PIK3C2G: variants seen among roughly 807,000 people sequenced by gnomAD.
PIK3C2G encodes phosphatidylinositol-4-phosphate 3-kinase catalytic subunit type 2 gamma.
In PIK3C2G, 168 loss-of-function variants were observed where a neutral mutation model predicts 181.1. The ratio of observed to expected loss-of-function variants is 0.93; its 90% CI spans 0.82 to 1.05. The LOEUF (loss-of-function observed/expected upper bound fraction) is 1.05. Ranked by LOEUF, PIK3C2G falls within the 50% of genes least tolerant of loss-of-function variation. The pLI, the probability that PIK3C2G is intolerant of heterozygous loss-of-function variation, is 0.00. For synonymous variants in PIK3C2G, 573 were observed against 592.2 expected, an observed-to-expected ratio of 0.97 and a Z score of 0.47; for missense variants, 1,869 against 1,732.8, an observed-to-expected ratio of 1.08 and a Z score of -1.40.
At chr12:18,559,795 TATATATATATATATATATATATATATAG>T (rs1351468533) in intron 26 of PIK3C2G, among the ~76,000 whole-genome samples, 21 of 47,234 alleles carry the variant, frequency 4.4e-4, no homozygotes, top group Non-Finnish European at 6.3e-4. Context: ...TATATATATA[TATATATATATATATATATATATATATAG>T]AGAGAGAGAG....
chr12:18,477,026 G>A (rs1267131830), intron 18 of PIK3C2G, among the ~76,000 whole-genome samples: 4 of 152,048 alleles, frequency 2.6e-5, no homozygotes, highest in African/African-American at 9.7e-5. Context: ...TTGCTTTCTG[G>A]TGAGGCCTCT....
chr12:18,257,435 C>T (rs1345825987), upstream of PIK3C2G, among the ~76,000 whole-genome samples: 1 of 151,950 alleles, frequency 6.6e-6, no homozygotes, highest in East Asian at 1.9e-4. Context: ...ACTGACACAC[C>T]CAGGGACTGA....
At chr12:18,583,265 T>A (rs1946597825) in intron 29 of PIK3C2G, among the ~76,000 whole-genome samples, 1 of 152,142 alleles carries the variant, frequency 6.6e-6, no homozygotes, top group Non-Finnish European at 1.5e-5. Context: ...GCCTTTGCTG[T>A]TGCTACCTTC....
At position 18,282,579 on chromosome 12, in the gene PIK3C2G, C is replaced by G. The variant is rs763750362; in HGVS notation, c.498C>G (p.Asn166Lys). 1 of 1,611,984 alleles carries G rather than the reference C, an allele frequency of 6.2e-7. No homozygotes were observed. The highest frequency in any genetic ancestry group is 1.1e-5 in the South Asian group (1 of 91,040). Residue 166 changes from asparagine (N) to lysine (K), a missense_variant, in exon 2 of 33, where the codon AAC becomes AAG. By Grantham distance (94) the Asn-to-Lys change is moderately conservative. Coordinates refer to ENST00000538779, the MANE Select transcript of PIK3C2G (RefSeq NM_001288772.2). Reference protein sequence around the residue: ...LEKELENENHNYHIGFESSIP... With the variant: ...LEKELENENHKYHIGFESSIP... ...AAGAATTAGAAAATGAAAATCATAA[C>G]TACCATATAGGATTTGAAAGTAGCA... is the stretch of plus-strand genomic sequence containing the variant.
chr12:18,426,346 G>T (rs1023977293), intron 18 of PIK3C2G, among the ~76,000 whole-genome samples: 2 of 151,884 alleles, frequency 1.3e-5, no homozygotes, highest in Non-Finnish European at 2.9e-5. Flanking sequence ...ATATAATTGA[G>T]AGTTAAGAAT....
At chr12:18,531,341 G>A (rs1038106173) in intron 24 of PIK3C2G, among the ~76,000 whole-genome samples, 32 of 152,058 alleles carry the variant, frequency 2.1e-4, no homozygotes, top group African/African-American at 7.7e-4. Flanking sequence ...AGATTCATAT[G>A]CAGTTGTAAT....
At chr12:18,621,182 A>G (rs1013532228) in intron 31 of PIK3C2G, among the ~76,000 whole-genome samples, 14 of 151,904 alleles carry the variant, frequency 9.2e-5, no homozygotes, top group Non-Finnish European at 1.5e-4. Flanking sequence ...GGAATCATTT[A>G]AGGCAGTTCA....
intron 32 of PIK3C2G, among the ~76,000 whole-genome samples, chr12:18,642,610 C>T (rs1022224705): frequency 6.6e-6 from 1 of 152,272 alleles, no homozygotes; most frequent in Middle Eastern, 3.4e-3. Context: ...ACACTGTCAC[C>T]TCGTGGACTC....
At chr12:18,615,582 A>G in intron 31 of PIK3C2G, among the ~76,000 whole-genome samples, 1 of 151,994 alleles carries the variant, frequency 6.6e-6, no homozygotes, top group East Asian at 1.9e-4. Flanking sequence ...TCCTCTGGGT[A>G]GGTGCCCAGT....
At chr12:18,683,658 C>G in the PIK3C2G span, 1 of 1,320,268 alleles carries the variant, frequency 7.6e-7, no homozygotes, top group East Asian at 4.4e-5. Flanking sequence ...CATATTGAGA[C>G]AAGGTAATTG....
At chr12:18,463,068 A>G (rs1160344533) in intron 18 of PIK3C2G, among the ~76,000 whole-genome samples, 3 of 152,182 alleles carry the variant, frequency 2.0e-5, no homozygotes, top group African/African-American at 7.2e-5. Flanking sequence ...AGTAATTAAT[A>G]AGGATATATT....
intron 8 of PIK3C2G, among the ~76,000 whole-genome samples, chr12:18,334,397 C>A (rs985297065): frequency 6.6e-6 from 1 of 152,050 alleles, no homozygotes; most frequent in Non-Finnish European, 1.5e-5. Context: ...CCTCTTTTTA[C>A]CTGAAAGACC....
chr12:18,551,215 G>T (rs116485431), intron 26 of PIK3C2G, among the ~76,000 whole-genome samples: 6,843 of 152,084 alleles, frequency 0.045, 348 homozygotes, highest in African/African-American at 0.13. Flanking sequence ...ATAGAATCAA[G>T]AAAGTATCAT....
chr12:18,290,211 G>T (rs779167582), intron 3 of PIK3C2G, among the ~76,000 whole-genome samples: 5 of 152,106 alleles, frequency 3.3e-5, no homozygotes, highest in Non-Finnish European at 7.4e-5. Flanking sequence ...ATTACTAAAT[G>T]AAAGTGCCAG....
At chr12:18,307,029 C>T (rs73064518) in intron 5 of PIK3C2G, among the ~76,000 whole-genome samples, 6 of 148,660 alleles carry the variant, frequency 4.0e-5, no homozygotes, top group African/African-American at 9.9e-5. Flanking sequence ...TTCCAAGGAG[C>T]GGCTAGGGCA....
chr12:18,545,550 A>G (rs948103289), intron 25 of PIK3C2G, among the ~76,000 whole-genome samples: 3 of 151,448 alleles, frequency 2.0e-5, no homozygotes, highest in Admixed American at 6.6e-5. Context: ...AGAAAGTTCT[A>G]TTATTTTCTT....
chr12:18,687,968 A>T, the PIK3C2G span: 6 of 1,339,516 alleles, frequency 4.5e-6, no homozygotes, highest in African/African-American at 7.4e-5. Flanking sequence ...AATTTTGGAC[A>T]TAATGGAAAA....
chr12:18,333,104 T>C (rs1938151644), intron 8 of PIK3C2G, among the ~76,000 whole-genome samples: 1 of 152,188 alleles, frequency 6.6e-6, no homozygotes, highest in Non-Finnish European at 1.5e-5. Context: ...TCCTGTGCTC[T>C]GCCAAAGTTT....
rs200799424 is a variant in PIK3C2G, at chr12:18,318,898, C to A, written c.1138-2064C>A. Among the ~76,000 whole-genome samples the A allele has an allele frequency of 2.0e-5, 3 of 151,284 alleles. No homozygotes were observed. The East Asian group carries it at 5.8e-4, about 29-fold the overall frequency. ...TCACCTGAGGTCAGAAGTTTGAGAC[C>A]AGCCTGGCCAACATAGTGAAACCCC... On this transcript the variant is annotated intron_variant, in intron 6 of 32. Transcript: ENST00000538779.
Sources: gnomAD v4.1 joint callset for allele counts (sites outside exome capture counted in the v4.1 genomes callset) on GRCh38, gnomAD v4.1.1 for gene constraint, MANE v1.5 for transcripts, NCBI Gene and HGNC (gene_info 2026-07-23, HGNC 2026-07-21) for gene names.